Variants in ME1 observed in about 807,000 individuals in gnomAD.
The protein encoded by ME1 is malic enzyme 1, also known as NADP-dependent malic enzyme.
In ME1, 74 loss-of-function variants were observed where a neutral mutation model predicts 66.4. That is an observed-to-expected ratio of 1.11 (90% CI 0.92 to 1.35). ME1 has a LOEUF of 1.35. Ranked by LOEUF, ME1 falls within the 40% of genes most tolerant of loss-of-function variation. ME1 has a pLI of 0.00. For missense variants in ME1, 750 were observed against 694.1 expected, an observed-to-expected ratio of 1.08 and a Z score of -0.90; for synonymous variants, 251 against 235.6, an observed-to-expected ratio of 1.07 and a Z score of -0.60.
At chr6:83,346,134 TA>T in intron 5 of ME1, 38 bp downstream of exon 5, 1 of 1,430,298 alleles carries the variant, frequency 7.0e-7, no homozygotes, top group South Asian at 1.6e-5. Flanking sequence ...ATGCCATTTT[TA>T]AAGGTACATA....
At chr6:83,257,015 G>A (rs561293730) in intron 6 of ME1, among the ~76,000 whole-genome samples, 1 of 151,886 alleles carries the variant, frequency 6.6e-6, no homozygotes, top group Non-Finnish European at 1.5e-5. Context: ...CACAGGGAGG[G>A]GAACATCATC....
chr6:83,281,852 A>G (rs1285423362), intron 6 of ME1, among the ~76,000 whole-genome samples: 1 of 126,820 alleles, frequency 7.9e-6, no homozygotes, highest in African/African-American at 3.2e-5. Context: ...AAAACAAAAA[A>G]GAGAAAAAAA....
intron 6 of ME1, among the ~76,000 whole-genome samples, chr6:83,301,314 T>TTCTCTCTC (rs560570045): frequency 8.5e-5 from 12 of 141,306 alleles, no homozygotes; most frequent in African/African-American, 2.9e-4. Flanking sequence ...CTTTCTTTCT[T>TTCTCTCTC]TCTCTCTCTC....
chr6:83,422,530 C>G (rs1424752985), intron 1 of ME1, among the ~76,000 whole-genome samples: 1 of 152,136 alleles, frequency 6.6e-6, no homozygotes, highest in Non-Finnish European at 1.5e-5. Context: ...GGTGTCAGAC[C>G]TTGAAATTTC....
At chr6:83,260,541 T>C (rs1431002786) in intron 6 of ME1, among the ~76,000 whole-genome samples, 1 of 152,188 alleles carries the variant, frequency 6.6e-6, no homozygotes, top group Non-Finnish European at 1.5e-5. Flanking sequence ...TGGTACACAA[T>C]AGTTACTTGT....
chr6:83,419,331 T>C (rs752099273), intron 1 of ME1, among the ~76,000 whole-genome samples: 5 of 152,196 alleles, frequency 3.3e-5, no homozygotes, highest in African/African-American at 9.7e-5. Flanking sequence ...AGGCAAATCA[T>C]AGATGGCTCA....
Position 83,223,946 on chromosome 6 carries a change from C to T in ME1, c.1276-13G>A. ...AAATTGCACGTCCCTACAACAAAGA[C>T]ACATACAACTCACTTTAAAAAGAAG... is the stretch of plus-strand genomic sequence containing the variant. On this transcript the variant is annotated splice_polypyrimidine_tract_variant and intron_variant, in intron 11 of 13. Transcript: ENST00000369705. 4 of 1,610,658 alleles carry T rather than the reference C, an allele frequency of 2.5e-6. No homozygotes were observed. The highest frequency in any genetic ancestry group is 3.4e-6 in the Non-Finnish European group (4 of 1,177,916).
At chr6:83,267,618 G>A (rs902494602) in intron 6 of ME1, among the ~76,000 whole-genome samples, 13 of 152,144 alleles carry the variant, frequency 8.5e-5, no homozygotes, top group African/African-American at 2.9e-4. Context: ...CTAGATAGGA[G>A]TATTTTGGTC....
intron 6 of ME1, among the ~76,000 whole-genome samples, chr6:83,265,829 T>C (rs1371052916): frequency 6.6e-6 from 1 of 152,208 alleles, no homozygotes; most frequent in East Asian, 1.9e-4. Context: ...GAATTTAAAA[T>C]CAATTTTATT....
At chr6:83,227,503 A>T in intron 10 of ME1, 26 bp from the exon 11 acceptor site, 1 of 1,555,316 alleles carries the variant, frequency 6.4e-7, no homozygotes, top group Non-Finnish European at 8.7e-7. Flanking sequence ...GAAGCTGGTA[A>T]TTAACACTAT....
At chr6:83,246,523 C>T (rs1305210073) in intron 7 of ME1, among the ~76,000 whole-genome samples, 1 of 152,008 alleles carries the variant, frequency 6.6e-6, no homozygotes, top group Admixed American at 6.6e-5. Context: ...TTAAAAATAT[C>T]TTGTGAATAC....
chr6:83,297,472 A>G (rs182621136), intron 6 of ME1, among the ~76,000 whole-genome samples: 1 of 152,354 alleles, frequency 6.6e-6, no homozygotes, highest in African/African-American at 2.4e-5. Context: ...TAAAGTTCAT[A>G]TGGAACCACG....
At chr6:83,301,373 T>C (rs118189348) in intron 6 of ME1, among the ~76,000 whole-genome samples, 1,535 of 150,090 alleles carry the variant, frequency 0.01, 13 homozygotes, top group Non-Finnish European at 0.016. Flanking sequence ...GATGGAGTTG[T>C]GCTCAGTCGC....
chr6:83,388,081 T>C (rs1769546753), intron 3 of ME1, among the ~76,000 whole-genome samples: 1 of 135,924 alleles, frequency 7.4e-6, no homozygotes, highest in African/African-American at 2.8e-5. Context: ...CTTCTTTCCT[T>C]CCTTCCTTCC....
intron 1 of ME1, among the ~76,000 whole-genome samples, chr6:83,423,794 CA>C (rs1312379643): frequency 1.4e-5 from 2 of 145,822 alleles, no homozygotes; most frequent in Admixed American, 6.9e-5. Flanking sequence ...GATTCTGTCT[CA>C]AAAAAAAATG....
intron 7 of ME1, among the ~76,000 whole-genome samples, chr6:83,252,685 A>C (rs1199554210): frequency 2.0e-5 from 3 of 152,214 alleles, no homozygotes; most frequent in African/African-American, 7.2e-5. Context: ...GGACCTGAGT[A>C]TATACCTAAG....
intron 6 of ME1, among the ~76,000 whole-genome samples, chr6:83,277,004 G>A (rs1029038020): frequency 2.0e-5 from 3 of 152,166 alleles, no homozygotes; most frequent in Non-Finnish European, 4.4e-5. Context: ...TTTTAAAACT[G>A]AATTTTAGCA....
At chr6:83,341,859 C>T (rs1456139936) in intron 5 of ME1, among the ~76,000 whole-genome samples, 1 of 152,166 alleles carries the variant, frequency 6.6e-6, no homozygotes, top group Non-Finnish European at 1.5e-5. Context: ...GAAAGTACCT[C>T]TGACTGGTTG....
intron 11 of ME1, among the ~76,000 whole-genome samples, chr6:83,225,588 G>T (rs1417058297): frequency 6.6e-6 from 1 of 151,882 alleles, no homozygotes; most frequent in Non-Finnish European, 1.5e-5. Flanking sequence ...GAGACAAAAA[G>T]ATGAAAATAG....
Sources: allele counts gnomAD v4.1 joint callset (sites outside exome capture counted in the v4.1 genomes callset), GRCh38; gene constraint gnomAD v4.1.1; transcripts MANE v1.5; gene names NCBI Gene and HGNC (gene_info 2026-07-23, HGNC 2026-07-21).